Variants in ADAMTS18 observed in about 807,000 individuals in gnomAD.
ADAMTS18 encodes the protein ADAM metallopeptidase with thrombospondin type 1 motif 18.
ADAMTS18 carries 157 observed loss-of-function variants against 165.9 expected under a neutral mutation model. The ratio of observed to expected loss-of-function variants is 0.95; its 90% confidence interval spans 0.83 to 1.08. The LOEUF (loss-of-function observed/expected upper bound fraction) is 1.08, where lower values mean the gene tolerates loss of function less well. ADAMTS18 is among the 50% of genes least tolerant of loss of function. The probability of loss-of-function intolerance (pLI) is 0.00; values close to 1 mark genes in which losing one functional copy is unlikely to be tolerated. For synonymous variants in ADAMTS18, 782 were observed against 578.2 expected (o/e 1.35, Z -5.06); for missense variants, 2,040 against 1,534.0 (o/e 1.33, Z -5.51).
intron 10 of ADAMTS18, among the ~76,000 whole-genome samples, chr16:77,350,487 C>T (rs2144706726): frequency 6.6e-6 from 1 of 152,220 alleles, no homozygotes; most frequent in African/African-American, 2.4e-5. Flanking sequence ...ACCAATGAGC[C>T]ATGGAGGAAC....
intron 16 of ADAMTS18, among the ~76,000 whole-genome samples, chr16:77,311,492 T>G (rs1362071281): frequency 6.6e-6 from 1 of 152,200 alleles, no homozygotes; most frequent in East Asian, 1.9e-4. Context: ...AGTCCACTTT[T>G]GGGAAAATAT....
intron 5 of ADAMTS18, 36 bp from the exon 6 acceptor site, chr16:77,363,921 A>T: frequency 1.2e-6 from 2 of 1,604,760 alleles, no homozygotes; most frequent in Non-Finnish European, 1.7e-6. Flanking sequence ...AAATCTCAAA[A>T]TTTTCAAAAC....
chr16:77,321,663 T>C (rs112291141), intron 14 of ADAMTS18, among the ~76,000 whole-genome samples: 3 of 152,196 alleles, frequency 2.0e-5, no homozygotes, highest in Admixed American at 6.5e-5. Context: ...CAAAATACAT[T>C]TGTGAGATTC....
At chr16:77,399,497 C>T (rs1284006594) in intron 3 of ADAMTS18, among the ~76,000 whole-genome samples, 1 of 152,114 alleles carries the variant, frequency 6.6e-6, no homozygotes, top group Non-Finnish European at 1.5e-5. Flanking sequence ...TTTCCCTACC[C>T]TAGAAGATAA....
chr16:77,410,050 A>C (rs1295495578), intron 3 of ADAMTS18, among the ~76,000 whole-genome samples: 1 of 152,114 alleles, frequency 6.6e-6, no homozygotes, highest in Non-Finnish European at 1.5e-5. Flanking sequence ...ATAGTGTCTC[A>C]AACTATTTTG....
At chr16:77,309,825 G>A (rs1448077017) in intron 16 of ADAMTS18, among the ~76,000 whole-genome samples, 1 of 152,188 alleles carries the variant, frequency 6.6e-6, no homozygotes, top group Admixed American at 6.5e-5. Context: ...TATTCATCTA[G>A]ATTGAGGTAA....
rs537401792 is a variant in ADAMTS18 at position 77,342,965 on chromosome 16, A to G, written c.1615-1166T>C. On this transcript the variant is annotated intron_variant, in intron 10 of 22. Transcript: ENST00000282849. ...TGGCTTTGAAGATGAAGGAGGGGCCATGAGCCAAGGAATGCAGGCAGCTTC... is the reference window on the plus strand; with the variant it reads ...TGGCTTTGAAGATGAAGGAGGGGCCGTGAGCCAAGGAATGCAGGCAGCTTC... Among the ~76,000 whole-genome samples, 197 of 152,292 alleles carry G rather than the reference A, an allele frequency of 1.3e-3. 1 individual carries two copies. Among genetic ancestry groups the G allele is most frequent in the African/African-American group, 4.7e-3 (194 of 41,556 alleles).
At chr16:77,400,667 G>A (rs2057319442) in intron 3 of ADAMTS18, among the ~76,000 whole-genome samples, 1 of 151,518 alleles carries the variant, frequency 6.6e-6, no homozygotes, top group Admixed American at 6.6e-5. Context: ...ATTTTTAGTA[G>A]AGACAGGGTT....
rs566861157 is a variant in ADAMTS18, at chr16:77,334,434, T to G, written c.1859+1322A>C. ...TATATATTATATAGTATATATACTG[T>G]ATATTATAGTATATATTATATAGTA... On this transcript the variant is annotated intron_variant, in intron 12 of 22. Coordinates refer to ENST00000282849, the MANE Select transcript of ADAMTS18 (RefSeq NM_199355.4). 5.5e-4 allele frequency among the ~76,000 whole-genome samples: 61 copies of G among 111,092 alleles called. 1 individual carries two copies. Among genetic ancestry groups the G allele is most frequent in the African/African-American group, 2.2e-3 (56 of 25,224 alleles). The allele number at this position is 111,092 out of a possible 152,430, so 72.9% of individuals were successfully genotyped here.
At chr16:77,403,486 GA>G (rs1463831510) in intron 3 of ADAMTS18, among the ~76,000 whole-genome samples, 1 of 152,158 alleles carries the variant, frequency 6.6e-6, no homozygotes, top group Admixed American at 6.5e-5. Context: ...GATATGACAT[GA>G]AAAGATAGAA....
At chr16:77,314,649 G>GTGTGTGTGTA (rs10527824) in intron 16 of ADAMTS18, among the ~76,000 whole-genome samples, 42,791 of 125,818 alleles carry the variant, frequency 0.34, 9,378 homozygotes, top group Non-Finnish European at 0.46. Context: ...GTGTGTGTGT[G>GTGTGTGTGTA]TATATATATA....
intron 21 of ADAMTS18, among the ~76,000 whole-genome samples, chr16:77,289,752 G>C (rs545433653): frequency 1.3e-5 from 2 of 152,310 alleles, no homozygotes; most frequent in East Asian, 3.9e-4. Flanking sequence ...GTTAATCACA[G>C]GATTTAAAGA....
At chr16:77,346,845 ATTCATT>A (rs1427495103) in intron 10 of ADAMTS18, among the ~76,000 whole-genome samples, 1 of 152,312 alleles carries the variant, frequency 6.6e-6, no homozygotes, top group South Asian at 2.1e-4. Flanking sequence ...AATAATATGC[ATTCATT>A]TTAAGTGTAC....
intron 16 of ADAMTS18, among the ~76,000 whole-genome samples, chr16:77,303,541 C>T (rs2144599674): frequency 6.6e-6 from 1 of 152,190 alleles, no homozygotes; most frequent in Non-Finnish European, 1.5e-5. Context: ...TAACTTTTAT[C>T]CTCTCTCATA....
At chr16:77,415,375 T>A (rs929290916) in intron 3 of ADAMTS18, among the ~76,000 whole-genome samples, 1 of 152,214 alleles carries the variant, frequency 6.6e-6, no homozygotes. Context: ...GAGGGGTTTA[T>A]GCATAAGATA....
chr16:77,312,844 T>C (rs1378426026), intron 16 of ADAMTS18, among the ~76,000 whole-genome samples: 2 of 152,138 alleles, frequency 1.3e-5, no homozygotes, highest in African/African-American at 4.8e-5. Context: ...ACACCGTTGG[T>C]GGGACTGTAA....
At chr16:77,403,900 G>A (rs77870716) in intron 3 of ADAMTS18, among the ~76,000 whole-genome samples, 3,113 of 152,212 alleles carry the variant, frequency 0.02, 110 homozygotes, top group African/African-American at 0.071. Flanking sequence ...TCTAGTTGGA[G>A]AAGAGGGTTG....
Position 77,431,336 on chromosome 16 carries a change from C to G in ADAMTS18, c.454G>C (p.Asp152His). ...QCFYQGFIRN[D>H]SSSSVAVSTC... The stretch of plus-strand genomic sequence containing the variant: ...GACACAGCGACAGAGGAGGAGCTGT[C>G]ATTTCTGATAAATCCCTGATAGAAG... Residue 152 changes from aspartate (D) to histidine (H), a missense_variant, in exon 3 of 23, where the codon GAC becomes CAC. Asp to His is a moderately conservative substitution (Grantham distance 81). Coordinates refer to ENST00000282849, the MANE Select transcript of ADAMTS18 (RefSeq NM_199355.4). 6.2e-7 allele frequency: 1 copy of G among 1,614,154 alleles called. No individual in the cohort carries two copies. The highest frequency in any genetic ancestry group is 8.5e-7 in the Non-Finnish European group (1 of 1,180,018).
chr16:77,365,594 C>G (rs1448927901), intron 4 of ADAMTS18, among the ~76,000 whole-genome samples: 1 of 152,202 alleles, frequency 6.6e-6, no homozygotes, highest in African/African-American at 2.4e-5. Context: ...TGGATACTGG[C>G]CATAGCCATT....
Sources: gnomAD v4.1 joint callset for allele counts (sites outside exome capture counted in the v4.1 genomes callset) on GRCh38, gnomAD v4.1.1 for gene constraint, MANE v1.5 for transcripts, NCBI Gene and HGNC (gene_info 2026-07-23, HGNC 2026-07-21) for gene names.